The following AGPAT4 variants were observed in gnomAD, a reference collection of about 807,000 sequenced individuals.
AGPAT4 encodes the protein 1-acyl-sn-glycerol-3-phosphate acyltransferase delta.
Under a neutral mutation model 48.0 loss-of-function variants are expected in AGPAT4, and 15 were observed. The observed-to-expected ratio is 0.31, with a 90% CI of 0.21 to 0.48. AGPAT4 has a LOEUF of 0.48. AGPAT4 is among the 20% of genes least tolerant of loss of function. The probability of loss-of-function intolerance (pLI) is 0.99; values close to 1 mark genes in which losing one functional copy is unlikely to be tolerated. For synonymous variants in AGPAT4, 178 were observed against 198.7 expected (o/e 0.90, Z 0.88); for missense variants, 314 against 482.5 (o/e 0.65, Z 3.27).
chr6:161,156,262 C>T (rs1398408548), intron 3 of AGPAT4, among the ~76,000 whole-genome samples: 3 of 152,206 alleles, frequency 2.0e-5, no homozygotes, highest in Non-Finnish European at 1.5e-5. Context: ...TCGGGACAAG[C>T]CTGCTCCTCT....
At position 161,232,650 on chromosome 6, in the gene AGPAT4, G is replaced by A. The variant is rs1469103048; in HGVS notation, c.-89-348C>T. Among the ~76,000 whole-genome samples the A allele has an allele frequency of 6.6e-6, 1 of 152,230 alleles. No individual in the cohort carries two copies. Among genetic ancestry groups the A allele is most frequent in the Non-Finnish European group, 1.5e-5 (1 of 68,034 alleles). ...ACGGAGCCCTGGGTCCCACTTGAGT[G>A]ACGGCTGCCCACAGGACAGGCCGCA... On this transcript the variant is annotated intron_variant, in intron 1 of 8. Transcript: ENST00000320285. This position sits in a 1 kb window ranked among gnomAD's most constrained non-coding sequence, Gnocchi z 6.8.
intron 1 of AGPAT4, among the ~76,000 whole-genome samples, chr6:161,256,262 G>A (rs1782940491): frequency 6.6e-6 from 1 of 152,170 alleles, no homozygotes; most frequent in Non-Finnish European, 1.5e-5. Flanking sequence ...ACGAAAACCT[G>A]GCTAACACCC....
rs1324641257 is a variant in AGPAT4, at chr6:161,165,988, T to C, written c.348+260A>G. The C allele has an allele frequency of 4.9e-6, 3 of 613,572 alleles. No homozygotes were observed. The highest frequency in any genetic ancestry group is 2.0e-5 in the South Asian group (1 of 49,008). The allele number at this position is 613,572 out of a possible 1,614,324, so 38.0% of individuals were successfully genotyped here. The stretch of plus-strand genomic sequence containing the variant: ...GAGTGTGGCACATCATCTATTCATG[T>C]TGCTGTAAGGATTAAATAAATGAAT... On this transcript the variant is annotated intron_variant, in intron 3 of 8. Transcript: ENST00000320285. The surrounding 1 kb of genome is among the most constrained non-coding windows in gnomAD (Gnocchi z 5.5).
rs1781389863 is a variant in AGPAT4, at chr6:161,206,778, CA to C, written c.178+25257del. On this transcript the variant is annotated intron_variant, in intron 2 of 8. Transcript: ENST00000320285. The surrounding 1 kb of genome is among the most constrained non-coding windows in gnomAD (Gnocchi z 4.8). ...GCCATCATAAAACTCTTTCAATAAGCAATTATAAACAAACTTGAAACAAATA... is the reference window on the plus strand; with the variant it reads ...GCCATCATAAAACTCTTTCAATAAGCATTATAAACAAACTTGAAACAAATA... 6.6e-6 allele frequency among the ~76,000 whole-genome samples: 1 copy of C among 151,722 alleles called. No individual in the cohort carries two copies. Among genetic ancestry groups the C allele is most frequent in the Non-Finnish European group, 1.5e-5 (1 of 67,922 alleles).
rs935146823 is a variant in AGPAT4, at chr6:161,146,804, G to A, written c.768-205C>T. On this transcript the variant is annotated intron_variant, in intron 6 of 8. Transcript: ENST00000320285. This position sits in a 1 kb window ranked among gnomAD's most constrained non-coding sequence, Gnocchi z 7.1. The stretch of plus-strand genomic sequence containing the variant: ...CAAAAATGCAATTATGACCCACGAA[G>A]GAACAACCCAGGGGCCAATTCAATG... Among the ~76,000 whole-genome samples the A allele has an allele frequency of 2.6e-5, 4 of 152,162 alleles. No homozygotes were observed. Among genetic ancestry groups the A allele is most frequent in the African/African-American group, 9.7e-5 (4 of 41,430 alleles).
Position 161,165,770 on chromosome 6 carries a change from C to G in AGPAT4, c.348+478G>C, listed in dbSNP as rs1180010134. 1.8e-6 allele frequency: 1 copy of G among 569,630 alleles called. No homozygotes were observed. Among genetic ancestry groups the G allele is most frequent in the Admixed American group, 2.4e-5 (1 of 41,248 alleles). 35.3% of individuals were successfully genotyped at this position (569,630 alleles called of 1,614,324 possible). On this transcript the variant is annotated intron_variant, in intron 3 of 8. Transcript: ENST00000320285. The surrounding 1 kb of genome is among the most constrained non-coding windows in gnomAD (Gnocchi z 5.5). Reference sequence around the variant, plus strand: ...GAATAATTCTGAATTTTGCAGTTCACTCTCTCACTTATGGACTCAAAGTTC... The same window carrying G: ...GAATAATTCTGAATTTTGCAGTTCAGTCTCTCACTTATGGACTCAAAGTTC...
In AGPAT4 at chr6:161,194,634, ATGTGTG is replaced by A. The variant is rs796841456; in HGVS notation, c.179-28223_179-28218del. ...TGTATGTGTACATGTGTGTATGTGT[ATGTGTG>A]TATGTGTATGTATGTATGTGTATGT... On this transcript the variant is annotated intron_variant, in intron 2 of 8. Coordinates refer to ENST00000320285, the MANE Select transcript of AGPAT4 (RefSeq NM_020133.3). Among the ~76,000 whole-genome samples, 34 of 145,138 alleles carry A rather than the reference ATGTGTG, an allele frequency of 2.3e-4. 1 individual carries two copies. Among genetic ancestry groups the A allele is most frequent in the African/African-American group, 8.5e-4 (32 of 37,674 alleles).
At chr6:161,176,313 G>C (rs1290111379) in intron 2 of AGPAT4, among the ~76,000 whole-genome samples, 2 of 152,080 alleles carry the variant, frequency 1.3e-5, no homozygotes, top group East Asian at 3.9e-4. Flanking sequence ...TATGAATCTG[G>C]GTGCTCCTGT....
At chr6:161,194,626 GTA>G (rs373681671) in intron 2 of AGPAT4, among the ~76,000 whole-genome samples, 2,808 of 128,474 alleles carry the variant, frequency 0.022, 101 homozygotes, top group African/African-American at 0.075. Flanking sequence ...GTACATGTGT[GTA>G]TGTGTATGTG....
rs543471211 is a variant in AGPAT4, at chr6:161,267,801, C to T, written c.-90+6137G>A. Among the ~76,000 whole-genome samples, 2 of 152,064 alleles carry T rather than the reference C, an allele frequency of 1.3e-5. No individual in the cohort carries two copies. Among genetic ancestry groups the T allele is most frequent in the East Asian group, 1.9e-4 (1 of 5,158 alleles). On this transcript the variant is annotated intron_variant, in intron 1 of 8. Coordinates refer to ENST00000320285, the MANE Select transcript of AGPAT4 (RefSeq NM_020133.3). The surrounding 1 kb of genome is among the most constrained non-coding windows in gnomAD (Gnocchi z 5.2). Reference sequence around the variant, plus strand: ...GTCCCAGCTACTTGGGAAGCTGAAGCGGGAGGATTGCTTGAGCCCAGGAAT... The same window carrying T: ...GTCCCAGCTACTTGGGAAGCTGAAGTGGGAGGATTGCTTGAGCCCAGGAAT...
In AGPAT4 at chr6:161,184,573, C is replaced by T. The variant is rs1297866994; in HGVS notation, c.179-18156G>A. Among the ~76,000 whole-genome samples, 1 of 152,044 alleles carries T rather than the reference C, an allele frequency of 6.6e-6. No homozygotes were observed. Among genetic ancestry groups the T allele is most frequent in the Admixed American group, 6.6e-5 (1 of 15,264 alleles). On this transcript the variant is annotated intron_variant, in intron 2 of 8. Transcript: ENST00000320285. The surrounding 1 kb of genome is among the most constrained non-coding windows in gnomAD (Gnocchi z 4.8). ...CTCCCCTGGCCCTGCCCCGGACCCC[C>T]CATTCCCACCTGTCATCCTCTGGCC... is the stretch of plus-strand genomic sequence containing the variant.
In AGPAT4 at chr6:161,169,027, T is replaced by C. The variant is rs1418897537; in HGVS notation, c.179-2610A>G. Among the ~76,000 whole-genome samples, 1 of 152,152 alleles carries C rather than the reference T, an allele frequency of 6.6e-6. No individual in the cohort carries two copies. The highest frequency in any genetic ancestry group is 1.5e-5 in the Non-Finnish European group (1 of 68,034). ...AATCAATAAATGGACAGCTTTTTAA[T>C]TACTATTATATGCCTGATAATTTTA... On this transcript the variant is annotated intron_variant, in intron 2 of 8. Coordinates refer to ENST00000320285, the MANE Select transcript of AGPAT4 (RefSeq NM_020133.3). The surrounding 1 kb of genome is among the most constrained non-coding windows in gnomAD (Gnocchi z 5.0).
chr6:161,192,968 T>A (rs1339475132), intron 2 of AGPAT4, among the ~76,000 whole-genome samples: 1 of 152,218 alleles, frequency 6.6e-6, no homozygotes, highest in African/African-American at 2.4e-5. Flanking sequence ...TATATTTTGG[T>A]GTTCCACAAT....
chr6:161,198,249 GTAAATA>G lies in AGPAT4; in HGVS notation c.179-31838_179-31833del, dbSNP rs1225953848. Among the ~76,000 whole-genome samples the G allele has an allele frequency of 6.6e-6, 1 of 152,154 alleles. No homozygotes were observed. Among genetic ancestry groups the G allele is most frequent in the African/African-American group, 2.4e-5 (1 of 41,428 alleles). On this transcript the variant is annotated intron_variant, in intron 2 of 8. Transcript: ENST00000320285. The surrounding 1 kb of genome is among the most constrained non-coding windows in gnomAD (Gnocchi z 4.3). ...TCTAAATTATACTTCTTGCTTGTAC[GTAAATA>G]TAATCTCAAGTAATTTTTCATGCTT...
At chr6:161,163,979 T>C (rs900356219) in intron 3 of AGPAT4, among the ~76,000 whole-genome samples, 1 of 152,196 alleles carries the variant, frequency 6.6e-6, no homozygotes, top group Admixed American at 6.5e-5. Context: ...TGTTTGGGTG[T>C]TCACAGTAAT....
chr6:161,139,512 C>A lies in AGPAT4; in HGVS notation c.952G>T (p.Val318Leu). The A allele has an allele frequency of 1.2e-6, 2 of 1,614,092 alleles. No individual in the cohort carries two copies. Among genetic ancestry groups the A allele is most frequent in the Middle Eastern group, 3.3e-4 (2 of 6,062 alleles). The change falls in exon 8 of 9, where the codon GTG becomes TTG. Residue 318 changes from valine (V) to leucine (L), a missense_variant. Physicochemically the swap from Val to Leu is conservative, Grantham distance 32. Coordinates refer to ENST00000320285, the MANE Select transcript of AGPAT4 (RefSeq NM_020133.3). The surrounding 1 kb of genome is among the most constrained non-coding windows in gnomAD (Gnocchi z 9.1). The stretch of plus-strand genomic sequence containing the variant: ...AGGAACTGGAAGAAAGGGTAGAGCA[C>A]CAGCGAGGCCCAAAACAGCCAGTTC... ...LVNWLFWASL[V>L]LYPFFQFLVS...
chr6:161,241,381 TAAAAC>T (rs1271114580), intron 1 of AGPAT4, among the ~76,000 whole-genome samples: 2 of 152,142 alleles, frequency 1.3e-5, no homozygotes, highest in African/African-American at 2.4e-5. Context: ...TGATGTCTGT[TAAAAC>T]AAACCAAACT....
At chr6:161,187,777 C>G (rs1429764153) in intron 2 of AGPAT4, among the ~76,000 whole-genome samples, 1 of 152,158 alleles carries the variant, frequency 6.6e-6, no homozygotes, top group Non-Finnish European at 1.5e-5. Context: ...CTCCTGATCT[C>G]AAGTGATCTG....
At position 161,143,459 on chromosome 6, in the gene AGPAT4, G is replaced by A. The variant is rs575705834; in HGVS notation, c.843+3065C>T. ...TGCAAATGTCAAATTACAACCTGAA[G>A]AAGTACTTTAAGTTAGAAATGAAAA... On this transcript the variant is annotated intron_variant, in intron 7 of 8. Coordinates refer to ENST00000320285, the MANE Select transcript of AGPAT4 (RefSeq NM_020133.3). The surrounding 1 kb of genome is among the most constrained non-coding windows in gnomAD (Gnocchi z 4.7). Among the ~76,000 whole-genome samples the A allele has an allele frequency of 6.6e-6, 1 of 152,290 alleles. No individual in the cohort carries two copies. Among genetic ancestry groups the A allele is most frequent in the African/African-American group, 2.4e-5 (1 of 41,548 alleles).
Sources: gnomAD v4.1 joint callset for allele counts (sites outside exome capture counted in the v4.1 genomes callset) on GRCh38, gnomAD v4.1.1 for gene constraint, Gnocchi (gnomAD v3.1) non-coding constraint, MANE v1.5 for transcripts, NCBI Gene and HGNC (gene_info 2026-07-23, HGNC 2026-07-21) for gene names.